Variants in SORT1 observed in about 807,000 individuals in gnomAD.
The protein encoded by SORT1 is sortilin.
Under a neutral mutation model 101.7 loss-of-function variants are expected in SORT1, and 39 were observed. That is an observed-to-expected ratio of 0.38 (90% CI 0.30 to 0.50). The LOEUF is 0.50. Ranked by LOEUF, SORT1 falls within the 20% of genes least tolerant of loss-of-function variation. SORT1 has a pLI of 0.90. For missense variants in SORT1, 878 were observed against 1,040.4 expected (o/e 0.84, Z 2.15); for synonymous variants, 396 against 393.7 (o/e 1.01, Z -0.07).
At chr1:109,375,522 C>A (rs531978405) in intron 1 of SORT1, among the ~76,000 whole-genome samples, 1 of 112,582 alleles carries the variant, frequency 8.9e-6, no homozygotes, top group South Asian at 3.0e-4. Flanking sequence ...CCAGCCTGGG[C>A]GACAGTGAGA....
rs145004011 is a variant in SORT1 at position 109,351,473 on chromosome 1, G to C, written c.709-471C>G. Among the ~76,000 whole-genome samples the C allele has an allele frequency of 1.7e-3, 265 of 152,350 alleles. 1 individual carries two copies. The highest frequency in any genetic ancestry group is 2.1e-3 in the Non-Finnish European group (143 of 68,036). On this transcript the variant is annotated intron_variant, in intron 5 of 19. Transcript: ENST00000256637. ...CAGTGGGACCAAAAGAAGGCAAACA[G>C]GGAGATGAGGTGTTGCTGCACAAAG...
In SORT1 at chr1:109,355,351, C is replaced by A; in HGVS notation, c.543+16G>T. On this transcript the variant is annotated intron_variant, in intron 4 of 19. Transcript: ENST00000256637. Reference sequence around the variant, plus strand: ...GTATCAAGCACAAGCTTTATGTATACAAGAATGAGTCTCACCTTTCCAGAG... The same window carrying A: ...GTATCAAGCACAAGCTTTATGTATAAAAGAATGAGTCTCACCTTTCCAGAG... 1 of 1,333,916 alleles carries A rather than the reference C, an allele frequency of 7.5e-7. No individual in the cohort carries two copies. The highest frequency in any genetic ancestry group is 1.2e-5 in the South Asian group (1 of 85,550). 82.6% of individuals were successfully genotyped at this position (1,333,916 alleles called of 1,614,324 possible).
chr1:109,377,442 T>C (rs1015517048), intron 1 of SORT1, among the ~76,000 whole-genome samples: 2 of 152,260 alleles, frequency 1.3e-5, no homozygotes, highest in Non-Finnish European at 2.9e-5. Context: ...ATCTTCCTTC[T>C]AACACGGTTA....
intron 1 of SORT1, among the ~76,000 whole-genome samples, chr1:109,388,575 G>T (rs577383781): frequency 6.6e-6 from 1 of 152,210 alleles, no homozygotes; most frequent in East Asian, 1.9e-4. Flanking sequence ...TGCAGTTCTT[G>T]TGAGTACCTA....
intron 1 of SORT1, among the ~76,000 whole-genome samples, chr1:109,371,350 G>A (rs528600609): frequency 3.9e-5 from 6 of 152,204 alleles, no homozygotes; most frequent in Admixed American, 3.9e-4. Flanking sequence ...GATAGTGTCT[G>A]AAATGACATC....
chr1:109,396,013 G>A (rs1331333854), intron 1 of SORT1, among the ~76,000 whole-genome samples: 1 of 152,076 alleles, frequency 6.6e-6, no homozygotes, highest in Non-Finnish European at 1.5e-5. Flanking sequence ...GAGCCCAGGA[G>A]GTCAGGGCTG....
At chr1:109,380,354 CA>C (rs1435785537) in intron 1 of SORT1, among the ~76,000 whole-genome samples, 1 of 151,630 alleles carries the variant, frequency 6.6e-6, no homozygotes, top group African/African-American at 2.4e-5. Context: ...AAGACCTTTA[CA>C]AAAATGGTAC....
chr1:109,310,702 C>CT lies in SORT1; in HGVS notation c.*3340dup, dbSNP rs1296839367. ...GACAGGCACGGAGCTCTTGAGAGCA[C>CT]TGCTCAAAGGAAAGAGGGAATCTCT... On this transcript the variant is annotated 3_prime_UTR_variant, in exon 20 of 20. Coordinates refer to ENST00000256637, the MANE Select transcript of SORT1 (RefSeq NM_002959.7). 6.6e-6 allele frequency: 1 copy of CT among 152,636 alleles called. No homozygotes were observed. The highest frequency in any genetic ancestry group is 1.5e-5 in the Non-Finnish European group (1 of 68,050). 9.5% of individuals were successfully genotyped at this position (152,636 alleles called of 1,614,324 possible). A position where few individuals can be genotyped will look rare whatever the true frequency, so the allele number is the denominator to read the frequency against.
Position 109,397,784 on chromosome 1 carries a change from G to C in SORT1, c.109C>G (p.Leu37Val), listed in dbSNP as rs776166037. 5 of 1,237,746 alleles carry C rather than the reference G, an allele frequency of 4.0e-6. No individual in the cohort carries two copies. The South Asian group carries it at 1.1e-4, about 28-fold the overall frequency. 76.7% of individuals were successfully genotyped at this position (1,237,746 alleles called of 1,614,324 possible). Residue 37 changes from leucine (L) to valine (V), a missense_variant, in exon 1 of 20, where the codon CTG becomes GTG. Physicochemically the swap from Leu to Val is conservative, Grantham distance 32. Transcript: ENST00000256637. ...GCAGCGGGCGGCGGCGGCGCGTCCAGCCGGTCCTGGCTGAGGGTCGACGGC... is the reference window on the plus strand; with the variant it reads ...GCAGCGGGCGGCGGCGGCGCGTCCACCCGGTCCTGGCTGAGGGTCGACGGC... ...LPPSTLSQDR[L>V]DAPPPPAAPL...
chr1:109,381,153 T>A (rs1018384733), intron 1 of SORT1, among the ~76,000 whole-genome samples: 1 of 152,150 alleles, frequency 6.6e-6, no homozygotes, highest in Non-Finnish European at 1.5e-5. Context: ...GCAAATCCTA[T>A]TCTTAGGAAT....
chr1:109,354,856 T>C (rs1450547535), intron 4 of SORT1, among the ~76,000 whole-genome samples: 4 of 152,180 alleles, frequency 2.6e-5, no homozygotes, highest in Non-Finnish European at 5.9e-5. Context: ...ATTAAGGGCT[T>C]TGGTGCACCT....
chr1:109,324,204 T>C (rs1647833023), intron 14 of SORT1, among the ~76,000 whole-genome samples: 1 of 152,052 alleles, frequency 6.6e-6, no homozygotes, highest in African/African-American at 2.4e-5. Context: ...TCTTGGCTCA[T>C]TGCAACCTCT....
chr1:109,366,304 C>T (rs184299756), intron 3 of SORT1, among the ~76,000 whole-genome samples: 30 of 152,290 alleles, frequency 2.0e-4, no homozygotes, highest in African/African-American at 6.3e-4. Flanking sequence ...TTGGTAGGTC[C>T]GACCTGAGAG....
chr1:109,371,739 C>T, intron 1 of SORT1, among the ~76,000 whole-genome samples: 1 of 152,136 alleles, frequency 6.6e-6, no homozygotes, highest in Non-Finnish European at 1.5e-5. Flanking sequence ...TAATGGACCT[C>T]ACTCATCATC....
At chr1:109,315,572 G>C (rs1658981248) in intron 17 of SORT1, among the ~76,000 whole-genome samples, 1 of 152,064 alleles carries the variant, frequency 6.6e-6, no homozygotes, top group Non-Finnish European at 1.5e-5. Context: ...GCAGAGAGGA[G>C]GGACTGCAGG....
In SORT1 at chr1:109,317,903, G is replaced by A. The variant is rs370017732; in HGVS notation, c.2091C>T (p.His697=). 8.4e-5 allele frequency: 136 copies of A among 1,614,098 alleles called. No individual in the cohort carries two copies. The highest frequency in any genetic ancestry group is 1.1e-4 in the Non-Finnish European group (132 of 1,179,960). The change falls in exon 16 of 20, where the codon CAC becomes CAT. Residue 697 remains histidine (H), a synonymous_variant. Coordinates refer to ENST00000256637, the MANE Select transcript of SORT1 (RefSeq NM_002959.7). ...TTCCGTACAGACAAAACTCCAGGTC[G>A]TGGCCCTTCAGTTCTGGCTGTTCCA... The part of the protein sequence containing the change: ...KCVEQPELKG[H]DLEFCLYGRE...
chr1:109,397,608 C>T lies in SORT1; in HGVS notation c.285G>A (p.Lys95=). The T allele has an allele frequency of 7.8e-7, 1 of 1,282,296 alleles. No individual in the cohort carries two copies. The highest frequency in any genetic ancestry group is 1.0e-6 in the Non-Finnish European group (1 of 1,001,658). 79.4% of individuals were successfully genotyped at this position (1,282,296 alleles called of 1,614,324 possible). A position where few individuals can be genotyped will look rare whatever the true frequency, so the allele number is the denominator to read the frequency against. ...TCACCTGGTGCGTGTTGTTGGCCAG[C>T]TTGGCGACGAAGTCCCGGACCCGGC... ...ECGRVRDFVA[K]LANNTHQHVF... Residue 95 remains lysine (K), a synonymous_variant, in exon 1 of 20, where the codon AAG becomes AAA. Coordinates refer to ENST00000256637, the MANE Select transcript of SORT1 (RefSeq NM_002959.7).
chr1:109,346,832 CTTGAG>C (rs979426762), intron 7 of SORT1, among the ~76,000 whole-genome samples: 20 of 148,994 alleles, frequency 1.3e-4, no homozygotes, highest in Non-Finnish European at 2.7e-4. Context: ...TTTAAATTGT[CTTGAG>C]TTTTCTTTTC....
In SORT1 at chr1:109,393,097, C is replaced by T. The variant is rs1448171827; in HGVS notation, c.306+4490G>A. 7 of 985,272 alleles carry T rather than the reference C, an allele frequency of 7.1e-6. No individual in the cohort carries two copies. In the Admixed American group the frequency reaches 4.3e-4, roughly 61 times the overall value. 61.0% of individuals were successfully genotyped at this position (985,272 alleles called of 1,614,324 possible). On this transcript the variant is annotated intron_variant, in intron 1 of 19. Transcript: ENST00000256637. Reference sequence around the variant, plus strand: ...AGGCCGAGGTCTTCAGCGGCAGCTCCCTGAAGCCTCTGACAGGCACACTCA... The same window carrying T: ...AGGCCGAGGTCTTCAGCGGCAGCTCTCTGAAGCCTCTGACAGGCACACTCA...
Sources: allele counts gnomAD v4.1 joint callset (sites outside exome capture counted in the v4.1 genomes callset), GRCh38; gene constraint gnomAD v4.1.1; transcripts MANE v1.5; gene names NCBI Gene and HGNC (gene_info 2026-07-23, HGNC 2026-07-21).